The following RYR3 variants were observed in gnomAD, a reference collection of about 807,000 sequenced individuals.
The protein encoded by RYR3 is ryanodine receptor 3.
In RYR3, 207 loss-of-function variants were observed where a neutral mutation model predicts 584.3. That is an observed-to-expected ratio of 0.35 (90% confidence interval 0.32 to 0.40). RYR3 has a LOEUF of 0.40. Ranked by LOEUF, RYR3 falls within the 10% of genes least tolerant of loss-of-function variation. The pLI, the probability that RYR3 is intolerant of heterozygous loss-of-function variation, is 1.00. For missense variants in RYR3, 5,616 were observed against 6,089.2 expected, an observed-to-expected ratio of 0.92 and a Z score of 2.59; for synonymous variants, 2,416 against 2,248.5, an observed-to-expected ratio of 1.07 and a Z score of -2.11.
At chr15:33,671,816 T>C (rs2063862577) in intron 38 of RYR3, among the ~76,000 whole-genome samples, 1 of 141,442 alleles carries the variant, frequency 7.1e-6, no homozygotes, top group African/African-American at 2.7e-5. Flanking sequence ...TTTTTTTTTT[T>C]TTTTTTTTTT....
At chr15:33,376,291 A>G (rs753228470) in intron 1 of RYR3, among the ~76,000 whole-genome samples, 3 of 152,172 alleles carry the variant, frequency 2.0e-5, no homozygotes, top group Non-Finnish European at 2.9e-5. Context: ...TATTGAGTGT[A>G]TCAGTAGTTT....
chr15:33,441,024 T>C (rs1303441777), intron 1 of RYR3, among the ~76,000 whole-genome samples: 1 of 152,206 alleles, frequency 6.6e-6, no homozygotes, highest in African/African-American at 2.4e-5. Context: ...CAGCAGTTTC[T>C]TACCCAGTTA....
At chr15:33,627,801 A>G (rs1465484187) in intron 20 of RYR3, among the ~76,000 whole-genome samples, 2 of 152,122 alleles carry the variant, frequency 1.3e-5, no homozygotes, top group African/African-American at 4.8e-5. Flanking sequence ...GAGGCCAGTT[A>G]TAAGGCTCTT....
intron 20 of RYR3, 118 bp downstream of exon 20, chr15:33,624,141 A>G (rs2060864276): frequency 2.7e-6 from 2 of 742,874 alleles, no homozygotes; most frequent in South Asian, 1.7e-5. Context: ...TTGTTGTATA[A>G]TGTGAACAAC....
At chr15:33,525,170 T>C (rs2054296987) in intron 3 of RYR3, among the ~76,000 whole-genome samples, 1 of 152,256 alleles carries the variant, frequency 6.6e-6, no homozygotes, top group Non-Finnish European at 1.5e-5. Flanking sequence ...TCATTTGCCA[T>C]CCGCATCTCA....
At position 33,311,960 on chromosome 15, in the gene RYR3, G is replaced by C. The variant is rs1967383127; in HGVS notation, c.51+864G>C. Among the ~76,000 whole-genome samples the C allele has an allele frequency of 6.6e-6, 1 of 152,214 alleles. No individual in the cohort carries two copies. Among genetic ancestry groups the C allele is most frequent in the South Asian group, 2.1e-4 (1 of 4,826 alleles). ...CCACCCGGAGGGGTGGGGGCATTGG[G>C]GATGCATCCTAGCGCTGACTTCAGC... On this transcript the variant is annotated intron_variant, in intron 1 of 103. Coordinates refer to ENST00000634891, the MANE Select transcript of RYR3 (RefSeq NM_001036.6). This position sits in a 1 kb window ranked among gnomAD's most constrained non-coding sequence, Gnocchi z 4.4.
At chr15:33,409,630 A>G (rs771058961) in intron 1 of RYR3, among the ~76,000 whole-genome samples, 1 of 152,022 alleles carries the variant, frequency 6.6e-6, no homozygotes, top group African/African-American at 2.4e-5. Context: ...CATATCCAGT[A>G]TTTTGTCGTT....
intron 92 of RYR3, among the ~76,000 whole-genome samples, chr15:33,843,820 A>G (rs2078535796): frequency 6.6e-6 from 1 of 152,246 alleles, no homozygotes; most frequent in African/African-American, 2.4e-5. Context: ...TTAGTCTTCA[A>G]ATACTTGCTG....
chr15:33,501,982 C>A (rs1455290225), intron 2 of RYR3, among the ~76,000 whole-genome samples: 1 of 152,142 alleles, frequency 6.6e-6, no homozygotes, highest in African/African-American at 2.4e-5. Flanking sequence ...AAGGATTGGG[C>A]AAATTCCTGT....
intron 1 of RYR3, among the ~76,000 whole-genome samples, chr15:33,437,974 A>G (rs1007402204): frequency 4.6e-5 from 7 of 152,168 alleles, no homozygotes; most frequent in Non-Finnish European, 1.0e-4. Flanking sequence ...CACCTGCTTC[A>G]GCCTCCCAAA....
At chr15:33,769,261 C>A (rs2073373662) in intron 62 of RYR3, 89 bp downstream of exon 62, 1 of 984,706 alleles carries the variant, frequency 1.0e-6, no homozygotes, top group Non-Finnish European at 1.6e-6. Context: ...GAAGACAGAT[C>A]GCTGCTGCCA....
chr15:33,455,732 G>A (rs2047500910), intron 1 of RYR3, among the ~76,000 whole-genome samples: 1 of 152,090 alleles, frequency 6.6e-6, no homozygotes, highest in Non-Finnish European at 1.5e-5. Flanking sequence ...AAGAAACTTG[G>A]TCTCTGGATA....
chr15:33,310,970 A>G lies in RYR3; in HGVS notation c.-76A>G, dbSNP rs1967148104. The stretch of plus-strand genomic sequence containing the variant: ...GGAGGAGGAGAAAGAGCGCAGCAGC[A>G]GTCAGCGCACGCCGAGCGGCTGCCG... On this transcript the variant is annotated 5_prime_UTR_variant, in exon 1 of 104. Coordinates refer to ENST00000634891, the MANE Select transcript of RYR3 (RefSeq NM_001036.6). 1 of 1,084,804 alleles carries G rather than the reference A, an allele frequency of 9.2e-7. No individual in the cohort carries two copies. Among genetic ancestry groups the G allele is most frequent in the Admixed American group, 2.0e-5 (1 of 49,542 alleles). The allele number at this position is 1,084,804 out of a possible 1,614,324, so 67.2% of individuals were successfully genotyped here.
chr15:33,432,953 G>A (rs776866081), intron 1 of RYR3, among the ~76,000 whole-genome samples: 6 of 151,672 alleles, frequency 4.0e-5, no homozygotes, highest in East Asian at 1.9e-4. Flanking sequence ...CCTTAGAACC[G>A]TGGAAATAAT....
intron 43 of RYR3, among the ~76,000 whole-genome samples, chr15:33,717,433 G>T (rs565300251): frequency 9.2e-5 from 14 of 152,232 alleles, no homozygotes; most frequent in African/African-American, 3.1e-4. Context: ...CAGCATCCTT[G>T]AATCAACTTT....
intron 2 of RYR3, among the ~76,000 whole-genome samples, chr15:33,480,001 A>G (rs971802507): frequency 1.3e-5 from 2 of 152,218 alleles, no homozygotes; most frequent in African/African-American, 4.8e-5. Flanking sequence ...GTAAGTTTCT[A>G]AAGGGATCTA....
intron 2 of RYR3, among the ~76,000 whole-genome samples, chr15:33,492,440 C>A (rs2051041305): frequency 6.8e-6 from 1 of 147,218 alleles, no homozygotes; most frequent in African/African-American, 2.5e-5. Context: ...AATTTGGTTT[C>A]TAGAGATATT....
chr15:33,687,548 A>C (rs2065101082), intron 38 of RYR3, among the ~76,000 whole-genome samples: 1 of 152,198 alleles, frequency 6.6e-6, no homozygotes, highest in Non-Finnish European at 1.5e-5. Flanking sequence ...TTCTTCACAG[A>C]ATTGGAAAAA....
In RYR3 at chr15:33,838,776, C is replaced by T. The variant is rs962371725; in HGVS notation, c.12796C>T (p.His4266Tyr). 2 of 1,613,842 alleles carry T rather than the reference C, an allele frequency of 1.2e-6. No individual in the cohort carries two copies. Among genetic ancestry groups the T allele is most frequent in the Admixed American group, 3.3e-5 (2 of 59,986 alleles). Reference sequence around the variant, plus strand: ...GCCAGGTATCACCACTGAACTAGTACACTTCATAAAGGGGGAGAAGGGAGA... The same window carrying T: ...GCCAGGTATCACCACTGAACTAGTATACTTCATAAAGGGGGAGAAGGGAGA... ...MEPGITTELV[H>Y]FIKGEKGDTD... is the part of the protein sequence containing the mutation. The change falls in exon 89 of 104, where the codon CAC becomes TAC. Residue 4266 changes from histidine (H) to tyrosine (Y), a missense_variant. His to Tyr is a moderately conservative substitution (Grantham distance 83). Around this residue, in one of 9 missense-constraint regions of RYR3, gnomAD observed 918 missense variants for 887.4 expected, o/e 1.03. Coordinates refer to ENST00000634891, the MANE Select transcript of RYR3 (RefSeq NM_001036.6).
Sources: gnomAD v4.1 joint callset for allele counts (sites outside exome capture counted in the v4.1 genomes callset) on GRCh38, gnomAD v4.1.1 for gene constraint, gnomAD v4.1.1 regional missense constraint, Gnocchi (gnomAD v3.1) non-coding constraint, MANE v1.5 for transcripts, NCBI Gene and HGNC (gene_info 2026-07-23, HGNC 2026-07-21) for gene names.